Variants in GRIN2D observed in about 807,000 individuals in gnomAD.
GRIN2D encodes the protein glutamate receptor ionotropic, NMDA 2D.
Under a neutral mutation model 103.2 loss-of-function variants are expected in GRIN2D, and 37 were observed. The observed-to-expected ratio is 0.36, with a 90% CI of 0.28 to 0.47. GRIN2D has a LOEUF of 0.47. Among genes scored for constraint, GRIN2D ranks in the 20% least tolerant of loss-of-function variants. The pLI is 1.00. For missense variants in GRIN2D, 1,557 were observed against 1,910.6 expected (o/e 0.81, Z 3.45); for synonymous variants, 845 against 885.6 (o/e 0.95, Z 0.81).
intron 7 of GRIN2D, 47 bp from the exon 8 acceptor site, chr19:48,415,955 C>T (rs751757289): frequency 1.1e-4 from 166 of 1,567,172 alleles, no homozygotes; most frequent in Admixed American, 3.3e-4. Flanking sequence ...TCAGTCTGTC[C>T]GCTTGAGCCG....
chr19:48,421,962 G>A lies in GRIN2D; in HGVS notation c.2252+17G>A. On this transcript the variant is annotated intron_variant, in intron 11 of 13. Transcript: ENST00000263269. This position sits in a 1 kb window ranked among gnomAD's most constrained non-coding sequence, Gnocchi z 4.8. ...CAAGGCAGGGTCAGCGCAGACTCGGGCCGGGGGTGGGGGTTGGGCCGCTGG... is the reference window on the plus strand; with the variant it reads ...CAAGGCAGGGTCAGCGCAGACTCGGACCGGGGGTGGGGGTTGGGCCGCTGG... 3 of 1,611,648 alleles carry A rather than the reference G, an allele frequency of 1.9e-6. No homozygotes were observed. Among genetic ancestry groups the A allele is most frequent in the Non-Finnish European group, 1.7e-6 (2 of 1,178,536 alleles).
intron 11 of GRIN2D, among the ~76,000 whole-genome samples, chr19:48,440,251 G>A (rs940815865): frequency 6.6e-6 from 1 of 152,036 alleles, no homozygotes; most frequent in Admixed American, 6.6e-5. Context: ...TCAGGGCCTA[G>A]TGGGAGAACC....
intron 11 of GRIN2D, among the ~76,000 whole-genome samples, chr19:48,426,311 C>T (rs922921336): frequency 2.0e-5 from 3 of 148,680 alleles, no homozygotes; most frequent in Non-Finnish European, 3.0e-5. Flanking sequence ...CTGCAATCTC[C>T]GTCTCCTGGG....
chr19:48,444,755 T>G lies in GRIN2D; in HGVS notation c.*818T>G, dbSNP rs890170608. ...AAATCCAACCCTTATTTGCGACCCT[T>G]CAGTGATGACCCAGCAGACCTCCAA... On this transcript the variant is annotated 3_prime_UTR_variant, in exon 14 of 14. Coordinates refer to ENST00000263269, the MANE Select transcript of GRIN2D (RefSeq NM_000836.4). The surrounding 1 kb of genome is among the most constrained non-coding windows in gnomAD (Gnocchi z 5.5). 1 of 152,338 alleles carries G rather than the reference T, an allele frequency of 6.6e-6. No homozygotes were observed. Among genetic ancestry groups the G allele is most frequent in the Non-Finnish European group, 1.5e-5 (1 of 68,152 alleles). 9.4% of individuals were successfully genotyped at this position (152,338 alleles called of 1,614,324 possible).
Position 48,416,078 on chromosome 19 carries a change from C to T in GRIN2D, c.1658C>T (p.Ser553Phe). Residue 553 changes from serine (S) to phenylalanine (F), a missense_variant, in exon 8 of 14, where the codon TCC becomes TTC. Coordinates refer to ENST00000263269, the MANE Select transcript of GRIN2D (RefSeq NM_000836.4). ...GAGCGCTCCGAGATCGTGGACTTCT[C>T]CGTCCCCTTCGTGGAGACCGGCATC... ...NEERSEIVDF[S>F]VPFVETGISV... The T allele has an allele frequency of 6.2e-7, 1 of 1,613,970 alleles. No homozygotes were observed. The highest frequency in any genetic ancestry group is 1.1e-5 in the South Asian group (1 of 91,078).
intron 11 of GRIN2D, among the ~76,000 whole-genome samples, chr19:48,422,636 T>C (rs1401466311): frequency 6.6e-6 from 1 of 151,952 alleles, no homozygotes; most frequent in Non-Finnish European, 1.5e-5. Context: ...ATTAAACTAG[T>C]TAGTCCACTC....
intron 2 of GRIN2D, among the ~76,000 whole-genome samples, chr19:48,398,086 C>T (rs1970663845): frequency 6.6e-6 from 1 of 150,860 alleles, no homozygotes; most frequent in Admixed American, 6.6e-5. Flanking sequence ...CTCCGTCTCC[C>T]CCTCTCTCTC....
chr19:48,411,330 A>AATAATG (rs1327818338), intron 4 of GRIN2D, among the ~76,000 whole-genome samples: 1 of 41,114 alleles, frequency 2.4e-5, no homozygotes, highest in Non-Finnish European at 4.1e-5. Context: ...GTCTCAAAAT[A>AATAATG]ATAATAATAA....
In GRIN2D at chr19:48,404,727, C is replaced by T; in HGVS notation, c.466-7C>T. On this transcript the variant is annotated splice_polypyrimidine_tract_variant and splice_region_variant and intron_variant, in intron 3 of 13. Transcript: ENST00000263269. ...GCAGGCCTGACATCCTCCTCCCTCCCTGGCAGGAGAAGGGCTCCACCTTCC... is the reference window on the plus strand; with the variant it reads ...GCAGGCCTGACATCCTCCTCCCTCCTTGGCAGGAGAAGGGCTCCACCTTCC... The T allele has an allele frequency of 6.3e-7, 1 of 1,584,990 alleles. No homozygotes were observed. The highest frequency in any genetic ancestry group is 8.6e-7 in the Non-Finnish European group (1 of 1,163,780).
chr19:48,419,445 G>A, intron 9 of GRIN2D, 86 bp downstream of exon 9: 1 of 1,510,852 alleles, frequency 6.6e-7, no homozygotes, highest in Non-Finnish European at 8.9e-7. Context: ...CCCTGGAGGG[G>A]GGGCGGTCAA....
rs267605563 is a variant in GRIN2D at position 48,404,748 on chromosome 19, C to A, written c.480C>A (p.Thr160=). Reference sequence around the variant, plus strand: ...CTCCCTGGCAGGAGAAGGGCTCCACCTTCCTGCAGCTGGGCTCTTCCACCG... The same window carrying A: ...CTCCCTGGCAGGAGAAGGGCTCCACATTCCTGCAGCTGGGCTCTTCCACCG... ...LVLTPKEKGS[T]FLQLGSSTEQ... The change falls in exon 4 of 14, where the codon ACC becomes ACA. Residue 160 remains threonine (T), a synonymous_variant. Transcript: ENST00000263269. The A allele has an allele frequency of 8.1e-6, 13 of 1,603,980 alleles. No individual in the cohort carries two copies. Among genetic ancestry groups the A allele is most frequent in the African/African-American group, 1.3e-5 (1 of 74,786 alleles).
rs1260371311 is a variant in GRIN2D at position 48,394,193 on chromosome 19, G to A, written c.-306+325G>A. Among the ~76,000 whole-genome samples the A allele has an allele frequency of 6.7e-6, 1 of 149,052 alleles. No homozygotes were observed. Among genetic ancestry groups the A allele is most frequent in the East Asian group, 1.9e-4 (1 of 5,188 alleles). On this transcript the variant is annotated intron_variant, in intron 1 of 13. Transcript: ENST00000263269. The surrounding 1 kb of genome is among the most constrained non-coding windows in gnomAD (Gnocchi z 5.1). ...TAGACCCCCCACTCTGTGTGTGTGT[G>A]TCTGTGTGTGTGTCCCTCCTCAAGC... is the stretch of plus-strand genomic sequence containing the variant.
chr19:48,423,125 C>T (rs990011397), intron 11 of GRIN2D, among the ~76,000 whole-genome samples: 2 of 152,084 alleles, frequency 1.3e-5, no homozygotes, highest in Non-Finnish European at 2.9e-5. Context: ...GCAGGAGGAT[C>T]GCTTGAATGC....
chr19:48,427,864 CA>C (rs780689867), intron 11 of GRIN2D, among the ~76,000 whole-genome samples: 7 of 152,014 alleles, frequency 4.6e-5, no homozygotes, highest in African/African-American at 7.2e-5. Context: ...AATTAGTTTG[CA>C]AAAAATTAAT....
chr19:48,437,134 G>C (rs1280522140), intron 11 of GRIN2D, among the ~76,000 whole-genome samples: 1 of 152,066 alleles, frequency 6.6e-6, no homozygotes, highest in African/African-American at 2.4e-5. Context: ...GTTTTGTTTT[G>C]TTTTCGAGAC....
At chr19:48,408,453 C>G (rs1441731969) in intron 4 of GRIN2D, among the ~76,000 whole-genome samples, 2 of 151,758 alleles carry the variant, frequency 1.3e-5, no homozygotes, top group East Asian at 3.9e-4. Context: ...GAACTGTGAT[C>G]TCTTCACTGC....
At position 48,442,787 on chromosome 19, in the gene GRIN2D, G is replaced by T. The variant is rs1234739113; in HGVS notation, c.2861G>T (p.Gly954Val). 1 of 1,070,972 alleles carries T rather than the reference G, an allele frequency of 9.3e-7. No homozygotes were observed. Among genetic ancestry groups the T allele is most frequent in the Non-Finnish European group, 1.1e-6 (1 of 886,706 alleles). 66.3% of individuals were successfully genotyped at this position (1,070,972 alleles called of 1,614,324 possible). ...RRTKGAGPPGGAGLADGFHRY... is the reference protein window; with the variant it reads ...RRTKGAGPPGVAGLADGFHRY... ...ACCAAGGGCGCGGGGCCGCCGGGGG[G>T]CGCGGGCCTGGCCGACGGCTTCCAC... is the stretch of plus-strand genomic sequence containing the variant. Residue 954 changes from glycine to valine, a missense_variant, in exon 14 of 14, where the codon GGC becomes GTC. This residue lies in a region of GRIN2D where 632 missense variants were observed against 572.8 expected (regional missense o/e 1.10). Transcript: ENST00000263269. The surrounding 1 kb of genome is among the most constrained non-coding windows in gnomAD (Gnocchi z 7.2).
intron 11 of GRIN2D, among the ~76,000 whole-genome samples, chr19:48,432,218 C>A (rs1398761997): frequency 6.9e-6 from 1 of 145,212 alleles, no homozygotes; most frequent in Admixed American, 6.8e-5. Flanking sequence ...CCTTCTTTTT[C>A]TTTCTTTTTT....
chr19:48,395,734 C>T (rs1349832016), intron 2 of GRIN2D, among the ~76,000 whole-genome samples: 2 of 151,726 alleles, frequency 1.3e-5, no homozygotes, highest in African/African-American at 2.4e-5. Context: ...GGCCAGAGCT[C>T]GGTGGGGGGG....
Sources: allele counts gnomAD v4.1 joint callset (sites outside exome capture counted in the v4.1 genomes callset), GRCh38; gene constraint gnomAD v4.1.1; regional missense constraint gnomAD v4.1.1; non-coding constraint Gnocchi (gnomAD v3.1); transcripts MANE v1.5; gene names NCBI Gene and HGNC (gene_info 2026-07-23, HGNC 2026-07-21).